Variants in ARHGAP21 observed in about 807,000 individuals in gnomAD.
ARHGAP21 encodes the protein rho GTPase-activating protein 21.
Under a neutral mutation model 164.6 loss-of-function variants are expected in ARHGAP21, and 38 were observed. The observed-to-expected ratio is 0.23, with a 90% CI of 0.18 to 0.30. The LOEUF is 0.30. Among genes scored for constraint, ARHGAP21 ranks in the 10% least tolerant of loss-of-function variants. The pLI is 1.00. For missense variants in ARHGAP21, 1,822 were observed against 2,370.7 expected (o/e 0.77, Z 4.81); for synonymous variants, 766 against 857.9 (o/e 0.89, Z 1.87).
intron 4 of ARHGAP21, among the ~76,000 whole-genome samples, chr10:24,658,303 G>A (rs930686581): frequency 2.0e-5 from 3 of 152,198 alleles, no homozygotes; most frequent in Non-Finnish European, 4.4e-5. Context: ...AATACCATTT[G>A]ATCCAGCCAT....
intron 9 of ARHGAP21, among the ~76,000 whole-genome samples, chr10:24,618,183 T>C (rs1219787856): frequency 6.6e-6 from 1 of 152,220 alleles, no homozygotes; most frequent in Admixed American, 6.5e-5. Flanking sequence ...TGCACAGTCA[T>C]GATGAGAACT....
intron 5 of ARHGAP21, among the ~76,000 whole-genome samples, chr10:24,633,928 T>G (rs916911597): frequency 2.2e-5 from 3 of 136,664 alleles, no homozygotes; most frequent in African/African-American, 8.2e-5. Flanking sequence ...AGTCTCACTC[T>G]TGTCTCCCAG....
chr10:24,638,664 A>T (rs1456949576), intron 4 of ARHGAP21, among the ~76,000 whole-genome samples: 32 of 152,220 alleles, frequency 2.1e-4, no homozygotes, highest in Admixed American at 2.0e-3. Flanking sequence ...ATTTTTTGAG[A>T]ACACATGGGA....
intron 7 of ARHGAP21, among the ~76,000 whole-genome samples, chr10:24,623,757 G>C (rs939170587): frequency 6.6e-6 from 1 of 152,164 alleles, no homozygotes; most frequent in Non-Finnish European, 1.5e-5. Context: ...CAAGCTTTTT[G>C]ATTTCTCAAA....
intron 24 of ARHGAP21, 186 bp downstream of exon 24, chr10:24,591,039 G>C (rs971562702): frequency 1.7e-6 from 1 of 578,868 alleles, no homozygotes; most frequent in African/African-American, 2.0e-5. Flanking sequence ...CACTGCCAAT[G>C]GCATTAGAGT....
At chr10:24,688,801 AG>A (rs991971920) in intron 2 of ARHGAP21, among the ~76,000 whole-genome samples, 17 of 152,330 alleles carry the variant, frequency 1.1e-4, no homozygotes, top group Admixed American at 9.1e-4. Flanking sequence ...CCCCATGAAT[AG>A]GAAGAAAGAT....
intron 7 of ARHGAP21, among the ~76,000 whole-genome samples, chr10:24,628,396 A>C (rs1835349350): frequency 6.6e-6 from 1 of 151,430 alleles, no homozygotes; most frequent in Admixed American, 6.6e-5. Context: ...ATGTCAGTGA[A>C]TGACTCTTTA....
At chr10:24,657,833 A>G (rs2131632682) in intron 4 of ARHGAP21, among the ~76,000 whole-genome samples, 1 of 124,736 alleles carries the variant, frequency 8.0e-6, no homozygotes, top group East Asian at 2.2e-4. Flanking sequence ...GTGCTTTGTT[A>G]AACAGATGCT....
chr10:24,676,528 C>T (rs1042865066), intron 2 of ARHGAP21, among the ~76,000 whole-genome samples: 1 of 152,094 alleles, frequency 6.6e-6, no homozygotes, highest in Admixed American at 6.6e-5. Flanking sequence ...ATACTGGAGA[C>T]TCCAAAAGCG....
intron 16 of ARHGAP21, among the ~76,000 whole-genome samples, chr10:24,597,214 GTC>G (rs2076624036): frequency 6.6e-6 from 1 of 151,974 alleles, no homozygotes; most frequent in African/African-American, 2.4e-5. Flanking sequence ...AATTTGTAAT[GTC>G]TCTGATTTAA....
chr10:24,587,701 G>A (rs1284751221), intron 25 of ARHGAP21, among the ~76,000 whole-genome samples: 1 of 152,176 alleles, frequency 6.6e-6, no homozygotes, highest in Non-Finnish European at 1.5e-5. Context: ...AGCTTGCTGG[G>A]TACGAGCAAG....
intron 2 of ARHGAP21, among the ~76,000 whole-genome samples, chr10:24,676,322 G>A (rs1035620408): frequency 2.0e-5 from 3 of 152,180 alleles, no homozygotes; most frequent in Admixed American, 6.5e-5. Flanking sequence ...GTGTACATGT[G>A]CAGTTTTGTT....
chr10:24,608,022 C>G, intron 9 of ARHGAP21, 119 bp from the exon 10 acceptor site: 3 of 861,714 alleles, frequency 3.5e-6, no homozygotes, highest in Non-Finnish European at 5.1e-6. Context: ...ACCACCAAAG[C>G]ACATCACTAA....
At chr10:24,712,259 C>A (rs1375609484) in intron 2 of ARHGAP21, among the ~76,000 whole-genome samples, 1 of 152,038 alleles carries the variant, frequency 6.6e-6, no homozygotes, top group East Asian at 1.9e-4. Context: ...TGACATATGA[C>A]CTTACAAGAG....
chr10:24,650,136 A>C (rs946353071), intron 4 of ARHGAP21, among the ~76,000 whole-genome samples: 10 of 152,214 alleles, frequency 6.6e-5, no homozygotes, highest in African/African-American at 2.2e-4. Flanking sequence ...TGTACCCAGC[A>C]AAAATACCTT....
chr10:24,600,430 T>C (rs1002243831), intron 14 of ARHGAP21, among the ~76,000 whole-genome samples: 3 of 152,328 alleles, frequency 2.0e-5, no homozygotes, highest in Middle Eastern at 3.4e-3. Flanking sequence ...ACAGCATATA[T>C]AAATAACCTA....
chr10:24,626,152 A>G (rs1482048958), intron 7 of ARHGAP21, among the ~76,000 whole-genome samples: 1 of 152,234 alleles, frequency 6.6e-6, no homozygotes, highest in Non-Finnish European at 1.5e-5. Flanking sequence ...ATAAAAACCG[A>G]TTAACTTAAA....
chr10:24,599,301 A>T (rs1210884382), intron 14 of ARHGAP21, among the ~76,000 whole-genome samples: 1 of 152,198 alleles, frequency 6.6e-6, no homozygotes, highest in African/African-American at 2.4e-5. Context: ...CTATTACTTA[A>T]AGCTGAAATC....
At chr10:24,641,560 T>C (rs1214995401) in intron 4 of ARHGAP21, among the ~76,000 whole-genome samples, 2 of 152,236 alleles carry the variant, frequency 1.3e-5, no homozygotes, top group African/African-American at 2.4e-5. Flanking sequence ...AAAAACATAC[T>C]ATCTTTCTAC....
Sources: gnomAD v4.1 joint callset for allele counts (sites outside exome capture counted in the v4.1 genomes callset) on GRCh38, gnomAD v4.1.1 for gene constraint, MANE v1.5 for transcripts, NCBI Gene and HGNC (gene_info 2026-07-23, HGNC 2026-07-21) for gene names.